FBXW8: variants seen among roughly 807,000 people sequenced by gnomAD.
The protein encoded by FBXW8 is F-box and WD repeat domain containing 8.
Under a neutral mutation model 65.3 loss-of-function variants are expected in FBXW8, and 57 were observed. That is an observed-to-expected ratio of 0.87 (90% CI 0.71 to 1.09). The LOEUF is 1.09. Ranked by LOEUF, FBXW8 falls within the 50% of genes least tolerant of loss-of-function variation. The pLI, the probability that FBXW8 is intolerant of heterozygous loss-of-function variation, is 0.00. For missense variants in FBXW8, 777 were observed against 814.8 expected, an observed-to-expected ratio of 0.95 and a Z score of 0.57; for synonymous variants, 308 against 330.2, an observed-to-expected ratio of 0.93 and a Z score of 0.73.
intron 7 of FBXW8, among the ~76,000 whole-genome samples, chr12:116,991,432 T>C (rs1235779608): frequency 2.0e-5 from 3 of 152,238 alleles, no homozygotes; most frequent in Non-Finnish European, 2.9e-5. Context: ...TGTGAGATTT[T>C]AGTATCCTCC....
At chr12:116,931,436 T>A (rs544400328) in intron 2 of FBXW8, among the ~76,000 whole-genome samples, 10 of 152,342 alleles carry the variant, frequency 6.6e-5, no homozygotes, top group Non-Finnish European at 1.2e-4. Context: ...TTGGAATTTT[T>A]ATAGAGATTG....
chr12:116,935,855 C>CTT (rs1276609763), intron 2 of FBXW8, among the ~76,000 whole-genome samples: 12 of 152,150 alleles, frequency 7.9e-5, no homozygotes, highest in Non-Finnish European at 1.8e-4. Flanking sequence ...TGAGCTGTGT[C>CTT]TATGACCTTT....
At chr12:117,025,945 G>A (rs1954217402) in intron 9 of FBXW8, among the ~76,000 whole-genome samples, 1 of 152,236 alleles carries the variant, frequency 6.6e-6, no homozygotes, top group African/African-American at 2.4e-5. Context: ...CCCTGTCCCA[G>A]CACTGCCTCT....
At chr12:116,914,097 C>T (rs1277348046) in intron 1 of FBXW8, among the ~76,000 whole-genome samples, 1 of 152,036 alleles carries the variant, frequency 6.6e-6, no homozygotes, top group Admixed American at 6.6e-5. Context: ...ATAGTGAAAC[C>T]CTGGTTCTAC....
chr12:116,920,294 T>C (rs536448180), intron 1 of FBXW8, among the ~76,000 whole-genome samples: 2 of 152,372 alleles, frequency 1.3e-5, no homozygotes, highest in East Asian at 3.9e-4. Context: ...ATGCGGTCTT[T>C]GTTGGAACGG....
intron 1 of FBXW8, among the ~76,000 whole-genome samples, chr12:116,917,762 G>T (rs997511483): frequency 1.3e-5 from 2 of 152,086 alleles, no homozygotes; most frequent in Admixed American, 1.3e-4. Flanking sequence ...GGAGGCCGAG[G>T]TGGATGGATC....
At chr12:116,938,829 G>C (rs1313698569) in intron 2 of FBXW8, among the ~76,000 whole-genome samples, 1 of 152,106 alleles carries the variant, frequency 6.6e-6, no homozygotes, top group African/African-American at 2.4e-5. Context: ...CCCCTATTTG[G>C]GGCCAGTCTT....
At chr12:116,962,546 G>A (rs948588188) in intron 4 of FBXW8, among the ~76,000 whole-genome samples, 6 of 152,226 alleles carry the variant, frequency 3.9e-5, no homozygotes, top group Admixed American at 6.5e-5. Context: ...ATGGTTAGCA[G>A]GAAGCAGAAG....
intron 5 of FBXW8, among the ~76,000 whole-genome samples, chr12:116,984,879 A>G (rs1885556299): frequency 6.6e-6 from 1 of 152,160 alleles, no homozygotes; most frequent in South Asian, 2.1e-4. Context: ...AGTCCTGTCT[A>G]TTTGGGAGGC....
rs1261262865 is a variant in FBXW8 at position 116,936,910 on chromosome 12, G to A, written c.424-8454G>A. On this transcript the variant is annotated intron_variant, in intron 2 of 10. Transcript: ENST00000652555. The surrounding 1 kb of genome is among the most constrained non-coding windows in gnomAD (Gnocchi z 4.6). Reference sequence around the variant, plus strand: ...TGCTTTGAGCAGAGGGGTGACAAGGGCTGCCCTACGTTTAAAAAGGGACCA... The same window carrying A: ...TGCTTTGAGCAGAGGGGTGACAAGGACTGCCCTACGTTTAAAAAGGGACCA... 6.6e-6 allele frequency among the ~76,000 whole-genome samples: 1 copy of A among 152,118 alleles called. No individual in the cohort carries two copies. The highest frequency in any genetic ancestry group is 1.5e-5 in the Non-Finnish European group (1 of 68,022).
chr12:116,933,330 A>C (rs533863617), intron 2 of FBXW8, among the ~76,000 whole-genome samples: 6 of 152,350 alleles, frequency 3.9e-5, no homozygotes, highest in African/African-American at 1.2e-4. Context: ...CATTTCTTTT[A>C]ACATTGCTTT....
rs1883030055 is a variant in FBXW8, at chr12:116,947,759, A to AG, written c.589-1858dup. ...CTCAAAAAAAAAAAAAAAAAAGAAA[A>AG]GAAAGAAAGAAATGAAAGGCAGTGT... On this transcript the variant is annotated intron_variant, in intron 3 of 10. Transcript: ENST00000652555. 2.0e-5 allele frequency among the ~76,000 whole-genome samples: 3 copies of AG among 150,638 alleles called. No individual in the cohort carries two copies. The South Asian group carries it at 6.3e-4, about 32-fold the overall frequency.
chr12:116,969,970 G>A (rs1490866406), intron 5 of FBXW8, among the ~76,000 whole-genome samples: 2 of 152,094 alleles, frequency 1.3e-5, no homozygotes, highest in Non-Finnish European at 2.9e-5. Flanking sequence ...TGTGTTGCAC[G>A]TTACCATACC....
At chr12:116,928,625 A>G (rs1218025482) in intron 2 of FBXW8, among the ~76,000 whole-genome samples, 1 of 152,132 alleles carries the variant, frequency 6.6e-6, no homozygotes, top group African/African-American at 2.4e-5. Context: ...GCAGGTGAGA[A>G]CTGAGACCCA....
intron 5 of FBXW8, among the ~76,000 whole-genome samples, chr12:116,974,026 A>G (rs1884781394): frequency 6.6e-6 from 1 of 152,240 alleles, no homozygotes; most frequent in East Asian, 1.9e-4. Context: ...GAGGAGAACA[A>G]ACATGGTGAG....
At chr12:117,010,533 G>A (rs770466586) in intron 8 of FBXW8, 83 bp downstream of exon 8, 6 of 1,584,380 alleles carry the variant, frequency 3.8e-6, no homozygotes, top group East Asian at 2.2e-5. Flanking sequence ...CACACTGCCC[G>A]GTTCTCACTC....
chr12:116,964,596 C>T (rs1476319751), intron 4 of FBXW8, 101 bp from the exon 5 acceptor site: 10 of 1,419,658 alleles, frequency 7.0e-6, no homozygotes, highest in East Asian at 6.9e-5. Flanking sequence ...CTACACCACC[C>T]GATTCTTACT....
At chr12:116,928,797 G>T (rs1881541598) in intron 2 of FBXW8, among the ~76,000 whole-genome samples, 1 of 152,132 alleles carries the variant, frequency 6.6e-6, no homozygotes, top group Non-Finnish European at 1.5e-5. Context: ...GAAGTCTGCG[G>T]TGGGGCCTGA....
intron 7 of FBXW8, 79 bp downstream of exon 7, chr12:116,988,948 T>C: frequency 7.3e-7 from 1 of 1,368,784 alleles, no homozygotes; most frequent in Non-Finnish European, 1.0e-6. Context: ...AAATTAAAGC[T>C]CTTCAATATT....
Sources: allele counts gnomAD v4.1 joint callset (sites outside exome capture counted in the v4.1 genomes callset), GRCh38; gene constraint gnomAD v4.1.1; non-coding constraint Gnocchi (gnomAD v3.1); transcripts MANE v1.5; gene names NCBI Gene and HGNC (gene_info 2026-07-23, HGNC 2026-07-21).